The following COL25A1 variants were observed in gnomAD, a reference collection of about 807,000 sequenced individuals.
COL25A1 encodes collagen alpha-1(XXV) chain.
COL25A1 carries 103 observed loss-of-function variants against 128.4 expected under a neutral mutation model. The ratio of observed to expected loss-of-function variants is 0.80; its 90% CI spans 0.68 to 0.94. The LOEUF is 0.94. COL25A1 is among the 40% of genes least tolerant of loss of function. COL25A1 has a pLI of 0.00. For missense variants in COL25A1, 745 were observed against 840.0 expected (o/e 0.89, Z 1.40); for synonymous variants, 279 against 277.2 (o/e 1.01, Z -0.06).
At chr4:108,816,048 A>G (rs1157678918) in intron 37 of COL25A1, among the ~76,000 whole-genome samples, 3 of 152,150 alleles carry the variant, frequency 2.0e-5, no homozygotes, top group Non-Finnish European at 4.4e-5. Context: ...AAATTCTGTG[A>G]ACGGGGGTTA....
intron 8 of COL25A1, among the ~76,000 whole-genome samples, chr4:108,964,028 TATC>T: frequency 6.6e-6 from 1 of 150,902 alleles, no homozygotes; most frequent in Middle Eastern, 3.5e-3. Context: ...ATTATTTACA[TATC>T]ATATGTAAAT....
intron 3 of COL25A1, among the ~76,000 whole-genome samples, chr4:109,233,549 G>A (rs1779287381): frequency 6.6e-6 from 1 of 151,192 alleles, no homozygotes; most frequent in African/African-American, 2.4e-5. Flanking sequence ...CACTGAATAA[G>A]CACTGGAAGA....
chr4:109,098,734 T>C lies in COL25A1; in HGVS notation c.368-48555A>G, dbSNP rs186098766. ...ATTTTACCTGATAGCAAGAATATAA[T>C]TCATCAAGAAGATAAAGAACAAAAT... On this transcript the variant is annotated intron_variant, in intron 3 of 37. Transcript: ENST00000399132. 5.9e-3 allele frequency among the ~76,000 whole-genome samples: 897 copies of C among 152,326 alleles called. 3 individuals carry two copies. Among genetic ancestry groups the C allele is most frequent in the Non-Finnish European group, 7.9e-3 (538 of 68,024 alleles).
intron 6 of COL25A1, among the ~76,000 whole-genome samples, chr4:108,984,768 TC>T (rs1428029844): frequency 6.6e-6 from 1 of 152,156 alleles, no homozygotes. Context: ...GGGAGCCGGC[TC>T]CGGCCTTGGC....
intron 3 of COL25A1, among the ~76,000 whole-genome samples, chr4:109,290,388 A>G (rs1171138641): frequency 6.6e-6 from 1 of 152,128 alleles, no homozygotes; most frequent in African/African-American, 2.4e-5. Context: ...TAAAGCTTGG[A>G]TCATTAAATA....
At chr4:109,233,454 C>G (rs1779278477) in intron 3 of COL25A1, among the ~76,000 whole-genome samples, 1 of 152,110 alleles carries the variant, frequency 6.6e-6, no homozygotes, top group African/African-American at 2.4e-5. Flanking sequence ...TATTGAAAGA[C>G]AGTGAGTATG....
intron 6 of COL25A1, among the ~76,000 whole-genome samples, chr4:108,987,077 T>C (rs1356337556): frequency 6.6e-6 from 1 of 152,212 alleles, no homozygotes; most frequent in Middle Eastern, 3.2e-3. Context: ...CCCATAGTAG[T>C]TATATAATTT....
intron 31 of COL25A1, chr4:108,838,281 A>C: frequency 1.3e-6 from 1 of 780,086 alleles, no homozygotes; most frequent in Non-Finnish European, 2.2e-6. Flanking sequence ...CAGTTTTAGG[A>C]AACAGCAGAG....
intron 19 of COL25A1, among the ~76,000 whole-genome samples, chr4:108,877,333 A>G (rs1217149890): frequency 1.3e-5 from 2 of 152,176 alleles, no homozygotes; most frequent in Non-Finnish European, 2.9e-5. Flanking sequence ...CCTAATGTGC[A>G]CTATATTTGA....
At chr4:109,132,886 A>T (rs1479820656) in intron 3 of COL25A1, among the ~76,000 whole-genome samples, 1 of 152,162 alleles carries the variant, frequency 6.6e-6, no homozygotes, top group Non-Finnish European at 1.5e-5. Flanking sequence ...GCAGTATTAG[A>T]ACTGTGAGGA....
chr4:109,123,318 AG>A (rs1338982403), intron 3 of COL25A1, among the ~76,000 whole-genome samples: 4 of 151,880 alleles, frequency 2.6e-5, no homozygotes, highest in African/African-American at 9.7e-5. Flanking sequence ...AAAAAAAAAC[AG>A]GTTGTTTTTC....
At chr4:109,167,548 T>C (rs2126127013) in intron 3 of COL25A1, among the ~76,000 whole-genome samples, 2 of 152,294 alleles carry the variant, frequency 1.3e-5, no homozygotes, top group South Asian at 4.1e-4. Flanking sequence ...AACCTTAGGA[T>C]AATTACATTT....
intron 3 of COL25A1, among the ~76,000 whole-genome samples, chr4:109,208,239 T>A (rs1464345354): frequency 1.3e-5 from 2 of 152,202 alleles, no homozygotes; most frequent in Non-Finnish European, 2.9e-5. Context: ...ATGAGTTCCA[T>A]CTACGAGGTA....
chr4:109,078,534 T>C (rs1763572222), intron 3 of COL25A1, among the ~76,000 whole-genome samples: 1 of 152,210 alleles, frequency 6.6e-6, no homozygotes, highest in Non-Finnish European at 1.5e-5. Flanking sequence ...ATATTTACCA[T>C]AAAGCTGCTT....
intron 3 of COL25A1, among the ~76,000 whole-genome samples, chr4:109,142,683 A>T (rs1028853464): frequency 4.0e-5 from 6 of 149,286 alleles, no homozygotes; most frequent in Non-Finnish European, 7.4e-5. Context: ...TCTTTTTTTG[A>T]TCTTTGTTGG....
At chr4:108,944,992 T>G (rs1261326713) in intron 8 of COL25A1, among the ~76,000 whole-genome samples, 3 of 152,182 alleles carry the variant, frequency 2.0e-5, no homozygotes, top group Admixed American at 1.3e-4. Flanking sequence ...GTTTCTTATA[T>G]TCTAACAAAA....
At chr4:108,861,045 A>C (rs1233359075) in intron 22 of COL25A1, 74 bp from the exon 23 acceptor site, 5 of 1,289,384 alleles carry the variant, frequency 3.9e-6, no homozygotes, top group Non-Finnish European at 5.6e-6. Flanking sequence ...GAACATGTTT[A>C]TGCCATACAG....
At chr4:109,117,740 A>G (rs1158513764) in intron 3 of COL25A1, among the ~76,000 whole-genome samples, 1 of 151,980 alleles carries the variant, frequency 6.6e-6, no homozygotes, top group Non-Finnish European at 1.5e-5. Flanking sequence ...AATGACAGCA[A>G]TGATACAAGA....
At position 109,057,421 on chromosome 4, in the gene COL25A1, A is replaced by ATTTTTTTTTTTTTTTT. The variant is rs776941019; in HGVS notation, c.368-7258_368-7243dup. On this transcript the variant is annotated intron_variant, in intron 3 of 37. Transcript: ENST00000399132. ...TAGCTGGGACCACCATGCCTAGCTA[A>ATTTTTTTTTTTTTTTT]TTTTTTTTTTTTTTTTTTTTTTTTT... Among the ~76,000 whole-genome samples, 103 of 20,248 alleles carry ATTTTTTTTTTTTTTTT rather than the reference A, an allele frequency of 5.1e-3. 16 individuals are homozygous for ATTTTTTTTTTTTTTTT. Among genetic ancestry groups the ATTTTTTTTTTTTTTTT allele is most frequent in the Admixed American group, 0.013 (12 of 952 alleles). 13.3% of individuals were successfully genotyped at this position (20,248 alleles called of 152,430 possible).
Sources: gnomAD v4.1 joint callset for allele counts (sites outside exome capture counted in the v4.1 genomes callset) on GRCh38, gnomAD v4.1.1 for gene constraint, MANE v1.5 for transcripts, NCBI Gene and HGNC (gene_info 2026-07-23, HGNC 2026-07-21) for gene names.